The following SLC25A26 variants were observed in gnomAD, a reference collection of about 807,000 sequenced individuals.
SLC25A26 encodes the protein solute carrier family 25 member 26, also known as mitochondrial S-adenosylmethionine carrier protein.
SLC25A26 carries 36 observed loss-of-function variants against 37.8 expected under a neutral mutation model. The observed-to-expected ratio is 0.95, with a 90% CI of 0.73 to 1.26. The LOEUF (loss-of-function observed/expected upper bound fraction) is 1.26, where lower values mean the gene tolerates loss of function less well. Ranked by LOEUF, SLC25A26 falls within the 50% of genes most tolerant of loss-of-function variation. The pLI is 0.00. For missense variants in SLC25A26, 390 were observed against 331.1 expected (o/e 1.18, Z -1.38); for synonymous variants, 129 against 122.5 (o/e 1.05, Z -0.35).
upstream of SLC25A26, among the ~76,000 whole-genome samples, chr3:66,216,031 G>T (rs2071355753): frequency 6.6e-6 from 1 of 152,092 alleles, no homozygotes; most frequent in African/African-American, 2.4e-5. Flanking sequence ...AAAGGTGGAA[G>T]GGAAAAAAGG....
chr3:66,318,614 G>A (rs759756496), intron 5 of SLC25A26, among the ~76,000 whole-genome samples: 3 of 151,736 alleles, frequency 2.0e-5, no homozygotes, highest in Non-Finnish European at 4.4e-5. Flanking sequence ...AGCTGTTTCT[G>A]TTCAGCCATC....
intron 1 of SLC25A26, among the ~76,000 whole-genome samples, chr3:66,174,607 C>G (rs1359042814): frequency 1.3e-5 from 2 of 151,264 alleles, no homozygotes; most frequent in East Asian, 3.9e-4. Context: ...GGTGAAACCC[C>G]GTCTCTACTT....
At chr3:66,283,863 CATGGTATCTCCA>C (rs2074424265) in intron 5 of SLC25A26, among the ~76,000 whole-genome samples, 1 of 152,176 alleles carries the variant, frequency 6.6e-6, no homozygotes, top group South Asian at 2.1e-4. Flanking sequence ...ATCTCTTGAA[CATGGTATCTCCA>C]TTTACTTTAA....
At chr3:66,225,404 C>G (rs975044860) in intron 1 of SLC25A26, among the ~76,000 whole-genome samples, 1 of 152,166 alleles carries the variant, frequency 6.6e-6, no homozygotes, top group South Asian at 2.1e-4. Flanking sequence ...TTGGCCCCTT[C>G]TAGCCACGGC....
intron 1 of SLC25A26, among the ~76,000 whole-genome samples, chr3:66,155,540 G>A (rs1420775765): frequency 2.0e-5 from 3 of 152,026 alleles, no homozygotes; most frequent in Non-Finnish European, 4.4e-5. Context: ...AAAGAAAAGG[G>A]AAGAAAAAAG....
At chr3:66,207,259 A>G (rs2071193459) in intron 1 of SLC25A26, among the ~76,000 whole-genome samples, 1 of 152,218 alleles carries the variant, frequency 6.6e-6, no homozygotes, top group South Asian at 2.1e-4. Context: ...AACACAGAGA[A>G]GCTACAGCCT....
At chr3:66,209,448 T>C (rs1254949491) in intron 1 of SLC25A26, among the ~76,000 whole-genome samples, 1 of 140,518 alleles carries the variant, frequency 7.1e-6, no homozygotes, top group East Asian at 2.2e-4. Flanking sequence ...TAAAGATATA[T>C]ATATAAAGGT....
At chr3:66,259,448 A>C (rs1040000626) in intron 3 of SLC25A26, among the ~76,000 whole-genome samples, 1 of 152,150 alleles carries the variant, frequency 6.6e-6, no homozygotes, top group Non-Finnish European at 1.5e-5. Flanking sequence ...AGCCTTGCCT[A>C]GTCTGAACTT....
At chr3:66,156,963 T>A (rs1191726635) in intron 1 of SLC25A26, among the ~76,000 whole-genome samples, 1 of 152,176 alleles carries the variant, frequency 6.6e-6, no homozygotes, top group African/African-American at 2.4e-5. Flanking sequence ...CCGGGCATGG[T>A]AGCTCACAGC....
At chr3:66,232,609 G>A (rs1382419737) in intron 1 of SLC25A26, among the ~76,000 whole-genome samples, 1 of 152,062 alleles carries the variant, frequency 6.6e-6, no homozygotes, top group African/African-American at 2.4e-5. Flanking sequence ...CTGGAGATTA[G>A]GGGGCATCTG....
chr3:66,331,200 C>G (rs2075966009), intron 5 of SLC25A26, among the ~76,000 whole-genome samples: 1 of 151,912 alleles, frequency 6.6e-6, no homozygotes, highest in Non-Finnish European at 1.5e-5. Flanking sequence ...TTCTCCCTTC[C>G]TCCCTTCCTT....
intron 1 of SLC25A26, among the ~76,000 whole-genome samples, chr3:66,198,717 A>T (rs1367723487): frequency 3.3e-5 from 5 of 151,304 alleles, no homozygotes; most frequent in Non-Finnish European, 7.4e-5. Context: ...CTTCACCTTA[A>T]CCTTAACCTG....
intron 1 of SLC25A26, among the ~76,000 whole-genome samples, chr3:66,231,365 T>G (rs1212375624): frequency 6.6e-6 from 1 of 151,324 alleles, no homozygotes; most frequent in African/African-American, 2.4e-5. Context: ...AATTAGAGAT[T>G]TTTTTTTTCC....
At chr3:66,225,127 C>T (rs1448268035) in intron 1 of SLC25A26, among the ~76,000 whole-genome samples, 1 of 151,702 alleles carries the variant, frequency 6.6e-6, no homozygotes, top group African/African-American at 2.4e-5. Flanking sequence ...TCTCACAGCT[C>T]CACCAGGTGG....
intron 1 of SLC25A26, among the ~76,000 whole-genome samples, chr3:66,189,018 T>C (rs1268093339): frequency 6.6e-6 from 1 of 152,118 alleles, no homozygotes; most frequent in Non-Finnish European, 1.5e-5. Flanking sequence ...AACTCACATC[T>C]GGATACTCCT....
rs775677559 is a variant in SLC25A26 at position 66,371,190 on chromosome 3, T to C, written c.707+588T>C. 6.1e-6 allele frequency: 9 copies of C among 1,476,196 alleles called. 1 individual carries two copies. In the South Asian group the frequency reaches 1.2e-4, roughly 20 times the overall value. The allele number at this position is 1,476,196 out of a possible 1,614,324, so 91.4% of individuals were successfully genotyped here. On this transcript the variant is annotated intron_variant, in intron 9 of 9. Coordinates refer to ENST00000354883, the MANE Select transcript of SLC25A26 (RefSeq NM_001379210.1). ...ATCTTACAGGCATGTGAAATGATGA[T>C]TTTTCTCTTAGGGACCATATACCAG...
At chr3:66,160,026 A>G (rs1371571370) in intron 1 of SLC25A26, among the ~76,000 whole-genome samples, 1 of 151,798 alleles carries the variant, frequency 6.6e-6, no homozygotes, top group Non-Finnish European at 1.5e-5. Flanking sequence ...CTTTTTTGGG[A>G]CAGTCTTGCT....
intron 1 of SLC25A26, among the ~76,000 whole-genome samples, chr3:66,200,962 C>T (rs2106812736): frequency 6.6e-6 from 1 of 152,092 alleles, no homozygotes. Flanking sequence ...TGCTGTGGCA[C>T]AAAGGAGTTA....
intron 1 of SLC25A26, among the ~76,000 whole-genome samples, chr3:66,178,679 T>A (rs1414082361): frequency 6.6e-6 from 1 of 152,188 alleles, no homozygotes; most frequent in African/African-American, 2.4e-5. Flanking sequence ...AGATTCTAGA[T>A]GTCTCTCAGT....
Sources: gnomAD v4.1 joint callset for allele counts (sites outside exome capture counted in the v4.1 genomes callset) on GRCh38, gnomAD v4.1.1 for gene constraint, MANE v1.5 for transcripts, NCBI Gene and HGNC (gene_info 2026-07-23, HGNC 2026-07-21) for gene names.